CADPS2: variants seen among roughly 807,000 people sequenced by gnomAD.
CADPS2 encodes the protein calcium-dependent secretion activator 2.
In CADPS2, 93 loss-of-function variants were observed where a neutral mutation model predicts 172.5. The observed-to-expected ratio is 0.54, with a 90% CI of 0.46 to 0.64. CADPS2 has a LOEUF of 0.64. Among genes scored for constraint, CADPS2 ranks in the 30% least tolerant of loss-of-function variants. CADPS2 has a pLI of 0.00. For missense variants in CADPS2, 1,420 were observed against 1,565.9 expected, an observed-to-expected ratio of 0.91 and a Z score of 1.57; for synonymous variants, 546 against 555.2, an observed-to-expected ratio of 0.98 and a Z score of 0.23.
At chr7:122,758,278 A>G (rs1328795466) in intron 1 of CADPS2, among the ~76,000 whole-genome samples, 3 of 152,160 alleles carry the variant, frequency 2.0e-5, no homozygotes, top group Non-Finnish European at 4.4e-5. Context: ...TCCTTTTGGT[A>G]TTATGTATCC....
intron 17 of CADPS2, among the ~76,000 whole-genome samples, chr7:122,434,293 G>C (rs1013221207): frequency 6.6e-6 from 1 of 151,786 alleles, no homozygotes; most frequent in African/African-American, 2.4e-5. Flanking sequence ...GGCTCTGAGT[G>C]TTTTGTTCCT....
At chr7:122,729,000 CCT>C (rs2091381310) in intron 2 of CADPS2, among the ~76,000 whole-genome samples, 1 of 151,756 alleles carries the variant, frequency 6.6e-6, no homozygotes, top group Middle Eastern at 3.2e-3. Context: ...CATTACCCAA[CCT>C]CTCTTTACCC....
rs191696322 is a variant in CADPS2 at position 122,647,675 on chromosome 7, G to A, written c.786+15562C>T. Among the ~76,000 whole-genome samples, 22 of 152,102 alleles carry A rather than the reference G, an allele frequency of 1.4e-4. No homozygotes were observed. In the East Asian group the frequency reaches 2.5e-3, roughly 17 times the overall value. ...CAAGAAGATATTAATCAGATAAAACGCATTAAATATCACTGATACTATTTT... is the reference window on the plus strand; with the variant it reads ...CAAGAAGATATTAATCAGATAAAACACATTAAATATCACTGATACTATTTT... On this transcript the variant is annotated intron_variant, in intron 3 of 29. Transcript: ENST00000449022.
At chr7:122,614,369 T>C (rs1394366130) in intron 6 of CADPS2, among the ~76,000 whole-genome samples, 1 of 152,186 alleles carries the variant, frequency 6.6e-6, no homozygotes, top group Non-Finnish European at 1.5e-5. Flanking sequence ...ATTTCTCATA[T>C]ATCTTCAGTG....
At chr7:122,507,879 A>G (rs2130698524) in intron 9 of CADPS2, among the ~76,000 whole-genome samples, 1 of 152,276 alleles carries the variant, frequency 6.6e-6, no homozygotes, top group African/African-American at 2.4e-5. Context: ...CATGAGGGTA[A>G]GGAAAAAAGA....
intron 7 of CADPS2, among the ~76,000 whole-genome samples, chr7:122,562,102 A>G (rs1343378872): frequency 6.6e-6 from 1 of 152,214 alleles, no homozygotes; most frequent in Non-Finnish European, 1.5e-5. Context: ...CTCAAAATCT[A>G]TGAAACTTTC....
chr7:122,592,551 T>C (rs1310558200), intron 6 of CADPS2, among the ~76,000 whole-genome samples: 1 of 152,160 alleles, frequency 6.6e-6, no homozygotes, highest in Non-Finnish European at 1.5e-5. Flanking sequence ...ATGTTTATTG[T>C]GGCACAATTC....
intron 25 of CADPS2, among the ~76,000 whole-genome samples, chr7:122,370,538 T>C (rs1181423594): frequency 6.6e-6 from 1 of 152,120 alleles, no homozygotes; most frequent in East Asian, 1.9e-4. Context: ...ATCTACTGGA[T>C]TATATGACAA....
chr7:122,405,579 C>T (rs2046550214), intron 20 of CADPS2, among the ~76,000 whole-genome samples: 1 of 152,158 alleles, frequency 6.6e-6, no homozygotes, highest in Non-Finnish European at 1.5e-5. Flanking sequence ...ATGAGAATCG[C>T]TTGAACTTCG....
chr7:122,634,230 T>C (rs1284055564), intron 3 of CADPS2, among the ~76,000 whole-genome samples: 1 of 152,132 alleles, frequency 6.6e-6, no homozygotes, highest in Non-Finnish European at 1.5e-5. Flanking sequence ...TTCAGGAGGA[T>C]TGGTACCGGT....
At chr7:122,371,145 T>C (rs2041712617) in intron 25 of CADPS2, among the ~76,000 whole-genome samples, 1 of 152,050 alleles carries the variant, frequency 6.6e-6, no homozygotes, top group Non-Finnish European at 1.5e-5. Context: ...ATTTAGGAAA[T>C]GATGGCACAG....
chr7:122,885,309 G>A (rs541958714), intron 1 of CADPS2, among the ~76,000 whole-genome samples: 1 of 152,146 alleles, frequency 6.6e-6, no homozygotes, highest in Non-Finnish European at 1.5e-5. Flanking sequence ...CATTTGTTAT[G>A]AAGTGATCAT....
chr7:122,754,528 G>A (rs1174779881), intron 1 of CADPS2, among the ~76,000 whole-genome samples: 1 of 152,046 alleles, frequency 6.6e-6, no homozygotes, highest in Non-Finnish European at 1.5e-5. Context: ...CCAGACTGGG[G>A]TACAATAGCA....
chr7:122,527,809 C>T (rs566473690), intron 8 of CADPS2, among the ~76,000 whole-genome samples: 6 of 151,910 alleles, frequency 3.9e-5, no homozygotes, highest in Admixed American at 6.6e-5. Context: ...ACATTCATTA[C>T]GGTAATGAAT....
intron 8 of CADPS2, among the ~76,000 whole-genome samples, chr7:122,515,016 G>C (rs971570962): frequency 5.9e-5 from 9 of 152,010 alleles, no homozygotes; most frequent in African/African-American, 1.9e-4. Context: ...AAAATTCACA[G>C]AAATTTTCAG....
chr7:122,548,906 C>G (rs762013130), intron 8 of CADPS2, among the ~76,000 whole-genome samples: 1 of 152,030 alleles, frequency 6.6e-6, no homozygotes, highest in Non-Finnish European at 1.5e-5. Context: ...CAAAGAGCAA[C>G]GAACTACCAT....
intron 8 of CADPS2, among the ~76,000 whole-genome samples, chr7:122,539,232 AT>A (rs763575473): frequency 4.6e-5 from 7 of 152,104 alleles, no homozygotes; most frequent in Non-Finnish European, 1.0e-4. Context: ...GATTAACACC[AT>A]TATTATGGCA....
intron 2 of CADPS2, among the ~76,000 whole-genome samples, chr7:122,721,974 G>T (rs189190634): frequency 6.6e-5 from 10 of 151,938 alleles, no homozygotes; most frequent in East Asian, 1.9e-4. Flanking sequence ...AGAAAAGGCC[G>T]TTAACAAAAT....
chr7:122,591,059 G>A (rs1216724073), intron 6 of CADPS2, among the ~76,000 whole-genome samples: 1 of 151,968 alleles, frequency 6.6e-6, no homozygotes, highest in African/African-American at 2.4e-5. Context: ...CCTGTTTGCA[G>A]ATGACATGAT....
Sources: gnomAD v4.1 joint callset for allele counts (sites outside exome capture counted in the v4.1 genomes callset) on GRCh38, gnomAD v4.1.1 for gene constraint, MANE v1.5 for transcripts, NCBI Gene and HGNC (gene_info 2026-07-23, HGNC 2026-07-21) for gene names.